Variants in ACSBG2 observed in about 807,000 individuals in gnomAD.
ACSBG2 encodes the protein long-chain-fatty-acid--CoA ligase ACSBG2.
ACSBG2 carries 62 observed loss-of-function variants against 74.7 expected under a neutral mutation model. The observed-to-expected ratio is 0.83, with a 90% CI of 0.68 to 1.03. ACSBG2 has a LOEUF of 1.03. ACSBG2 is among the 50% of genes least tolerant of loss of function. ACSBG2 has a pLI of 0.00. For synonymous variants in ACSBG2, 309 were observed against 294.1 expected, an observed-to-expected ratio of 1.05 and a Z score of -0.52; for missense variants, 730 against 817.6, an observed-to-expected ratio of 0.89 and a Z score of 1.31.
Position 6,182,905 on chromosome 19 carries a change from T to C in ACSBG2, c.1061T>C (p.Phe354Ser), listed in dbSNP as rs778081008. 8 of 1,614,044 alleles carry C rather than the reference T, an allele frequency of 5.0e-6. No individual in the cohort carries two copies. Among genetic ancestry groups the C allele is most frequent in the Non-Finnish European group, 6.8e-6 (8 of 1,180,042 alleles). The change falls in exon 9 of 15, where the codon TTC (phenylalanine) becomes TCC (serine). Residue 354 changes from phenylalanine (F) to serine (S), a missense_variant. Phe to Ser is a radical substitution (Grantham distance 155, BLOSUM62 -2). Transcript: ENST00000588485. ...TTCGTGTGGGCAAGAAACATTGGCT[T>C]CAAGGTCAACTCAAAAAAGATGTTG... The part of the protein sequence containing the change: ...KAFVWARNIG[F>S]KVNSKKMLGK...
intron 2 of ACSBG2, among the ~76,000 whole-genome samples, chr19:6,146,825 G>A (rs1042385796): frequency 2.6e-5 from 4 of 152,030 alleles, no homozygotes; most frequent in African/African-American, 7.2e-5. Flanking sequence ...GGCCAGGTGC[G>A]GTGGCTCATG....
chr19:6,191,107 G>A (rs2090551655), intron 14 of ACSBG2: 1 of 172,446 alleles, frequency 5.8e-6, no homozygotes, highest in Admixed American at 5.6e-5. Context: ...GGAATGAGGT[G>A]TGTTGGCCCA....
At chr19:6,155,384 G>A (rs1049166152) in intron 4 of ACSBG2, among the ~76,000 whole-genome samples, 13 of 152,196 alleles carry the variant, frequency 8.5e-5, no homozygotes, top group Admixed American at 1.3e-4. Flanking sequence ...ACAACCTGGG[G>A]GTAGTCAAAG....
Position 6,182,943 on chromosome 19 carries a change from C to T in ACSBG2, c.1088+11C>T. On this transcript the variant is annotated intron_variant, in intron 9 of 14. Coordinates refer to ENST00000588485, the MANE Select transcript of ACSBG2 (RefSeq NM_030924.5). ...AAAAAAGATGTTGGGGTAGGTGGAG[C>T]ATCCAGAGGGCTGGGAGGGTAGTTG... The T allele has an allele frequency of 6.2e-7, 1 of 1,613,590 alleles. No individual in the cohort carries two copies. The highest frequency in any genetic ancestry group is 8.5e-7 in the Non-Finnish European group (1 of 1,179,658).
intron 7 of ACSBG2, among the ~76,000 whole-genome samples, chr19:6,166,427 C>A (rs1404883442): frequency 1.3e-5 from 2 of 151,662 alleles, no homozygotes; most frequent in East Asian, 3.9e-4. Context: ...GATTTTCCTG[C>A]CTCAGCCTCC....
Position 6,177,227 on chromosome 19 carries a change from A to T in ACSBG2, c.739-2A>T. The T allele has an allele frequency of 6.2e-7, 1 of 1,614,066 alleles. No homozygotes were observed. The highest frequency in any genetic ancestry group is 8.5e-7 in the Non-Finnish European group (1 of 1,179,990). ...CACCTTGGATTGTCCCTTATGTTAC[A>T]GATCACGTGGATTGCAGGAGCAGTG... On this transcript the variant is annotated splice_acceptor_variant, in intron 7 of 14. Coordinates refer to ENST00000588485, the MANE Select transcript of ACSBG2 (RefSeq NM_030924.5). LOFTEE classifies it high-confidence loss of function.
intron 14 of ACSBG2, chr19:6,192,071 CAAAAAAAAAAAAA>C (rs397859531): frequency 3.5e-5 from 2 of 57,476 alleles, no homozygotes; most frequent in Non-Finnish European, 5.9e-5. Flanking sequence ...AGCACAGCAC[CAAAAAAAAAAAAA>C]AAAAAAAAAA....
chr19:6,137,713 T>C (rs928794568), intron 1 of ACSBG2, among the ~76,000 whole-genome samples: 1 of 152,168 alleles, frequency 6.6e-6, no homozygotes, highest in Non-Finnish European at 1.5e-5. Context: ...CAGGGCGAGA[T>C]CTCTGCTCAC....
chr19:6,187,560 T>G (rs1568258450), intron 12 of ACSBG2, 39 bp from the exon 13 acceptor site: 1 of 1,612,176 alleles, frequency 6.2e-7, no homozygotes. Context: ...GGGGTGCTGG[T>G]CAAGGAGCAT....
intron 4 of ACSBG2, among the ~76,000 whole-genome samples, chr19:6,152,541 C>T (rs1489986820): frequency 3.5e-5 from 1 of 28,230 alleles, no homozygotes; most frequent in African/African-American, 7.4e-5. Context: ...CCACCCGCCT[C>T]GGCCTCCCAA....
At chr19:6,151,591 G>A in intron 3 of ACSBG2, 116 bp from the exon 4 acceptor site, 1 of 967,356 alleles carries the variant, frequency 1.0e-6, no homozygotes, top group Non-Finnish European at 1.6e-6. Context: ...GATTACAGGT[G>A]TGAGCCACTG....
In ACSBG2 at chr19:6,183,695, C is replaced by T. The variant is rs1163415114; in HGVS notation, c.1322+423C>T. On this transcript the variant is annotated intron_variant, in intron 10 of 14. Coordinates refer to ENST00000588485, the MANE Select transcript of ACSBG2 (RefSeq NM_030924.5). ...GAATACCAAATTGAGGTTCAACTCC[C>T]CATCTGAGAGCTGTCAGTCATAGAA... Among the ~76,000 whole-genome samples the T allele has an allele frequency of 2.0e-5, 3 of 152,290 alleles. No homozygotes were observed. In the East Asian group the frequency reaches 5.8e-4, roughly 29 times the overall value.
At chr19:6,139,398 C>A (rs1009207763) in intron 1 of ACSBG2, among the ~76,000 whole-genome samples, 3 of 152,056 alleles carry the variant, frequency 2.0e-5, no homozygotes, top group African/African-American at 7.2e-5. Flanking sequence ...GCCTCAAGTT[C>A]AACTTAGAAC....
chr19:6,161,121 A>C, intron 5 of ACSBG2, 94 bp from the exon 6 acceptor site: 3 of 880,090 alleles, frequency 3.4e-6, no homozygotes, highest in South Asian at 1.6e-5. Context: ...AAGAGGCTAG[A>C]GTTGCTGGAG....
intron 11 of ACSBG2, among the ~76,000 whole-genome samples, chr19:6,185,998 G>C (rs986534248): frequency 1.3e-5 from 2 of 151,898 alleles, no homozygotes; most frequent in African/African-American, 4.8e-5. Flanking sequence ...CCTGGATCCA[G>C]CCATATCTGA....
Position 6,187,439 on chromosome 19 carries a change from G to C in ACSBG2, c.1680+17G>C. On this transcript the variant is annotated intron_variant, in intron 12 of 14. Transcript: ENST00000588485. ...ACGCTGAAGGTAACATGGGTTTGCT[G>C]TCATTGGGGGAAGTCTCTGCAGCCG... The C allele has an allele frequency of 6.2e-7, 1 of 1,613,792 alleles. No homozygotes were observed. Among genetic ancestry groups the C allele is most frequent in the Non-Finnish European group, 8.5e-7 (1 of 1,179,768 alleles).
intron 1 of ACSBG2, among the ~76,000 whole-genome samples, chr19:6,138,767 A>C (rs910279833): frequency 2.0e-5 from 3 of 148,036 alleles, no homozygotes; most frequent in African/African-American, 7.5e-5. Context: ...AAAGGAAGGA[A>C]GGGGAGGGAA....
chr19:6,184,659 ACT>A (rs1369028884), intron 10 of ACSBG2, among the ~76,000 whole-genome samples: 1 of 150,530 alleles, frequency 6.6e-6, no homozygotes, highest in African/African-American at 2.4e-5. Flanking sequence ...AAATAGTGCT[ACT>A]CTGTTTTATG....
chr19:6,143,429 T>C (rs2088920747), intron 2 of ACSBG2, among the ~76,000 whole-genome samples: 1 of 151,920 alleles, frequency 6.6e-6, no homozygotes, highest in Admixed American at 6.6e-5. Context: ...CACCAGTCAT[T>C]GGATTTAGGG....
Sources: gnomAD v4.1 joint callset for allele counts (sites outside exome capture counted in the v4.1 genomes callset) on GRCh38, gnomAD v4.1.1 for gene constraint, MANE v1.5 for transcripts, NCBI Gene and HGNC (gene_info 2026-07-23, HGNC 2026-07-21) for gene names.